The following PDXDC1 variants were observed in gnomAD, a reference collection of about 807,000 sequenced individuals.
PDXDC1 encodes the protein pyridoxal-dependent decarboxylase domain-containing protein 1.
In PDXDC1, 42 loss-of-function variants were observed where a neutral mutation model predicts 100.1. The ratio of observed to expected loss-of-function variants is 0.42; its 90% CI spans 0.33 to 0.54. The LOEUF (loss-of-function observed/expected upper bound fraction) is 0.54, where lower values mean the gene tolerates loss of function less well. Ranked by LOEUF, PDXDC1 falls within the 20% of genes least tolerant of loss-of-function variation. The pLI is 0.10. For synonymous variants in PDXDC1, 260 were observed against 371.7 expected, an observed-to-expected ratio of 0.70 and a Z score of 3.46; for missense variants, 636 against 979.2, an observed-to-expected ratio of 0.65 and a Z score of 4.68.
intron 16 of PDXDC1, chr16:15,083,412 A>G (rs2045785144): frequency 6.5e-7 from 1 of 1,535,574 alleles, no homozygotes; most frequent in Non-Finnish European, 8.8e-7. Flanking sequence ...AAAGAAAAAG[A>G]AAAAGAAAGA....
chr16:14,985,472 A>G (rs1022536136), intron 1 of PDXDC1, among the ~76,000 whole-genome samples: 1 of 152,098 alleles, frequency 6.6e-6, no homozygotes, highest in African/African-American at 2.4e-5. Context: ...TATTTCTAGT[A>G]GAGACGGGGT....
At chr16:15,013,868 C>T (rs2151471682) in intron 8 of PDXDC1, among the ~76,000 whole-genome samples, 1 of 128,198 alleles carries the variant, frequency 7.8e-6, no homozygotes, top group African/African-American at 3.0e-5. Flanking sequence ...GAAAGGGTCT[C>T]TGTCTCAAAA....
Position 15,129,649 on chromosome 16 carries a change from T to A in PDXDC1, c.1400-9230T>A, listed in dbSNP as rs369665426. On this transcript the variant is annotated intron_variant, in intron 16 of 16. Coordinates refer to the PDXDC1 transcript ENST00000535621. ...TGTGGGGCCACGCTACTGTGCAGAA[T>A]GTGGGCTGCCCACCCTGACTGACTG... 4.6e-5 allele frequency among the ~76,000 whole-genome samples: 7 copies of A among 152,198 alleles called. 1 individual carries two copies. Among genetic ancestry groups the A allele is most frequent in the Admixed American group, 2.0e-4 (3 of 15,282 alleles).
chr16:15,143,418 G>A (rs1249490911), downstream of PDXDC1, among the ~76,000 whole-genome samples: 5 of 152,218 alleles, frequency 3.3e-5, no homozygotes, highest in African/African-American at 1.2e-4. Flanking sequence ...CAGCCTGCCG[G>A]CCCGAGGTAT....
intron 16 of PDXDC1, among the ~76,000 whole-genome samples, chr16:15,090,291 A>T (rs1326112091): frequency 6.6e-6 from 1 of 152,204 alleles, no homozygotes; most frequent in Non-Finnish European, 1.5e-5. Context: ...TGATAAGAAC[A>T]GTGGACTTAA....
intron 16 of PDXDC1, among the ~76,000 whole-genome samples, chr16:15,046,750 C>G (rs1440582520): frequency 6.8e-6 from 1 of 147,480 alleles, no homozygotes; most frequent in African/African-American, 2.5e-5. Context: ...TGGTGTACAC[C>G]TGTGGTCCCA....
chr16:15,089,626 C>G (rs769260056), intron 16 of PDXDC1, among the ~76,000 whole-genome samples: 1 of 151,256 alleles, frequency 6.6e-6, no homozygotes, highest in Admixed American at 6.6e-5. Flanking sequence ...TGGTGAAACC[C>G]CACCTCTACT....
intron 10 of PDXDC1, 71 bp from the exon 11 acceptor site, chr16:15,017,250 T>C: frequency 6.2e-7 from 1 of 1,606,020 alleles, no homozygotes; most frequent in Admixed American, 1.7e-5. Flanking sequence ...TTCACAGTTT[T>C]TATGAATGGA....
At chr16:15,134,119 T>C (rs1448040147) in intron 16 of PDXDC1, 1 of 1,404,324 alleles carries the variant, frequency 7.1e-7, no homozygotes, top group East Asian at 2.4e-5. Context: ...CTCTGCCCTG[T>C]CAGCCCCACT....
chr16:15,031,145 C>T lies in PDXDC1; in HGVS notation c.1400-590C>T, dbSNP rs537564564. 1.5e-3 allele frequency among the ~76,000 whole-genome samples: 161 copies of T among 108,762 alleles called. 1 individual carries two copies. The highest frequency in any genetic ancestry group is 2.4e-3 in the Non-Finnish European group (132 of 54,350). The allele number at this position is 108,762 out of a possible 152,430, so 71.4% of individuals were successfully genotyped here. A position where few individuals can be genotyped will look rare whatever the true frequency, so the allele number is the denominator to read the frequency against. The stretch of plus-strand genomic sequence containing the variant: ...TTTTTTTTTTTTTTTTCCATAGAGA[C>T]GTGGTCTCACTCTGTCACCCAGGCT... On this transcript the variant is annotated intron_variant, in intron 16 of 22. Transcript: ENST00000396410.
chr16:15,039,469 T>C (rs2043709440), downstream of PDXDC1, among the ~76,000 whole-genome samples: 1 of 152,238 alleles, frequency 6.6e-6, no homozygotes, highest in South Asian at 2.1e-4. Context: ...TTTTCAGTTT[T>C]CTAACTTTTA....
chr16:14,986,239 A>G (rs1400751031), intron 1 of PDXDC1, among the ~76,000 whole-genome samples: 7 of 152,296 alleles, frequency 4.6e-5, no homozygotes, highest in Admixed American at 2.0e-4. Context: ...TTGGGAGGCC[A>G]AGGCAGGCAG....
At chr16:14,986,490 A>G (rs1433648017) in intron 1 of PDXDC1, among the ~76,000 whole-genome samples, 1 of 152,296 alleles carries the variant, frequency 6.6e-6, no homozygotes, top group Non-Finnish European at 1.5e-5. Context: ...CAGTTCTGTG[A>G]CAGTGAGCAT....
At position 15,086,441 on chromosome 16, in the gene PDXDC1, A is replaced by G. The variant is rs770270304; in HGVS notation, c.1400-52438A>G. ...AGAACGGAATTCTAGCAGCCAGTTG[A>G]TGATCTGGTCATCCTTAAGTTAAAC... is the stretch of plus-strand genomic sequence containing the variant. On this transcript the variant is annotated intron_variant, in intron 16 of 16. Transcript: ENST00000535621. 10 of 1,612,510 alleles carry G rather than the reference A, an allele frequency of 6.2e-6. No individual in the cohort carries two copies. The highest frequency in any genetic ancestry group is 8.5e-6 in the Non-Finnish European group (10 of 1,179,580).
At chr16:14,995,320 A>G (rs951909000) in intron 1 of PDXDC1, among the ~76,000 whole-genome samples, 1 of 152,288 alleles carries the variant, frequency 6.6e-6, no homozygotes, top group African/African-American at 2.4e-5. Flanking sequence ...TGGTCCGTCA[A>G]TACCCAGTTT....
At position 15,033,337 on chromosome 16, in the gene PDXDC1, G is replaced by A. The variant is rs181447893; in HGVS notation, c.1750G>A (p.Asp584Asn). The A allele has an allele frequency of 6.0e-5, 97 of 1,614,068 alleles. 1 individual carries two copies. In the Admixed American group the frequency reaches 1.4e-3, roughly 23 times the overall value. The change falls in exon 19 of 23, where the codon GAT becomes AAT. Residue 584 changes from aspartate to asparagine, a missense_variant. By Grantham distance (23) the Asp-to-Asn change is conservative. Transcript: ENST00000396410. The stretch of plus-strand genomic sequence containing the variant: ...TGTCGGCATGGCGAGCGACAACGTC[G>A]ATGCTGCTGAGCTCGTGGAGACCAT... Reference protein sequence around the residue: ...LYVGMASDNVDAAELVETIAA... With the variant: ...LYVGMASDNVNAAELVETIAA...
intron 16 of PDXDC1, chr16:15,068,172 G>C: frequency 5.1e-6 from 8 of 1,569,994 alleles, no homozygotes; most frequent in Non-Finnish European, 6.1e-6. Context: ...AACTTACTTT[G>C]TGATTGCAGC....
At position 15,133,205 on chromosome 16, in the gene PDXDC1, G is replaced by T; in HGVS notation, c.1400-5674G>T. On this transcript the variant is annotated intron_variant, in intron 16 of 16. Coordinates refer to the PDXDC1 transcript ENST00000535621. ...CCGCAAAGCTCCAGGCAGGGGTACA[G>T]GTCTTGGTCCCCAGCACGCATGCAG... 1.0e-5 allele frequency: 12 copies of T among 1,152,824 alleles called. No individual in the cohort carries two copies. In the South Asian group the frequency reaches 1.4e-4, roughly 13 times the overall value. 71.4% of individuals were successfully genotyped at this position (1,152,824 alleles called of 1,614,324 possible).
At chr16:15,111,626 C>T (rs1410244520) in intron 16 of PDXDC1, among the ~76,000 whole-genome samples, 6 of 145,382 alleles carry the variant, frequency 4.1e-5, no homozygotes, top group African/African-American at 9.9e-5. Flanking sequence ...AGCATGGTGG[C>T]GCACGCCTGT....
Sources: allele counts gnomAD v4.1 joint callset (sites outside exome capture counted in the v4.1 genomes callset), GRCh38; gene constraint gnomAD v4.1.1; transcripts MANE v1.5; gene names NCBI Gene and HGNC (gene_info 2026-07-23, HGNC 2026-07-21).